The following GFRA1 variants were observed in gnomAD, a reference collection of about 807,000 sequenced individuals.
GFRA1 encodes the protein GDNF family receptor alpha-1.
In GFRA1, 16 loss-of-function variants were observed where a neutral mutation model predicts 51.6. The observed-to-expected ratio is 0.31, with a 90% CI of 0.21 to 0.47. GFRA1 has a LOEUF of 0.47. Among genes scored for constraint, GFRA1 ranks in the 20% least tolerant of loss-of-function variants. GFRA1 has a pLI of 1.00. For synonymous variants in GFRA1, 270 were observed against 241.3 expected, an observed-to-expected ratio of 1.12 and a Z score of -1.10; for missense variants, 530 against 594.3, an observed-to-expected ratio of 0.89 and a Z score of 1.13.
intron 4 of GFRA1, among the ~76,000 whole-genome samples, chr10:116,256,246 A>AACT (rs888892918): frequency 1.3e-5 from 2 of 152,156 alleles, no homozygotes; most frequent in African/African-American, 4.8e-5. Context: ...AAGTGTGCTC[A>AACT]ACTCCAAGGT....
rs1954835312 is a variant in GFRA1 at position 116,061,868 on chromosome 10, C to T, written c.*2530G>A. 3 of 397,448 alleles carry T rather than the reference C, an allele frequency of 7.5e-6. No individual in the cohort carries two copies. The highest frequency in any genetic ancestry group is 1.4e-4 in the South Asian group (1 of 7,108). 24.6% of individuals were successfully genotyped at this position (397,448 alleles called of 1,614,324 possible). A position where few individuals can be genotyped will look rare whatever the true frequency, so the allele number is the denominator to read the frequency against. ...GTCACCGTGTCAAACTAAGATCACA[C>T]TGAATGGCGGAAACCTTGCTTGGCT... On this transcript the variant is annotated 3_prime_UTR_variant, in exon 11 of 11. Transcript: ENST00000355422.
intron 4 of GFRA1, among the ~76,000 whole-genome samples, chr10:116,238,958 T>G (rs941288178): frequency 2.6e-4 from 39 of 152,208 alleles, no homozygotes; most frequent in African/African-American, 9.2e-4. Context: ...TTCCCTCGAC[T>G]GGGTTCACAC....
At chr10:116,255,508 A>AC in intron 4 of GFRA1, 16 of 650,000 alleles carry the variant, frequency 2.5e-5, no homozygotes, top group Non-Finnish European at 3.0e-5. Context: ...AAAAAAAAAC[A>AC]AAAAAAAAAA....
intron 4 of GFRA1, among the ~76,000 whole-genome samples, chr10:116,237,912 CTCCAGGCA>C (rs1967023467): frequency 6.6e-6 from 1 of 152,168 alleles, no homozygotes; most frequent in Non-Finnish European, 1.5e-5. Flanking sequence ...GTGCTTCCAC[CTCCAGGCA>C]TCACAGGGAC....
chr10:116,100,846 G>T (rs182898786), intron 6 of GFRA1, among the ~76,000 whole-genome samples: 2 of 152,170 alleles, frequency 1.3e-5, no homozygotes, highest in African/African-American at 2.4e-5. Context: ...AAAGAAAGGA[G>T]GATGCCCGGA....
intron 5 of GFRA1, among the ~76,000 whole-genome samples, chr10:116,159,313 G>A (rs1054155461): frequency 6.6e-6 from 1 of 152,180 alleles, no homozygotes; most frequent in African/African-American, 2.4e-5. Context: ...GTTCCCAAGT[G>A]TGTCCCTTGG....
chr10:116,079,548 C>A (rs1023620414), intron 9 of GFRA1, among the ~76,000 whole-genome samples: 1 of 152,060 alleles, frequency 6.6e-6, no homozygotes, highest in Non-Finnish European at 1.5e-5. Context: ...CAAGCAGGTG[C>A]GCTTCTGCCC....
chr10:116,201,868 A>G (rs1413333718), intron 5 of GFRA1, among the ~76,000 whole-genome samples: 1 of 152,128 alleles, frequency 6.6e-6, no homozygotes, highest in Non-Finnish European at 1.5e-5. Flanking sequence ...GCAACAAAAC[A>G]GAGAAAGATT....
Position 116,132,422 on chromosome 10 carries a change from A to AT in GFRA1, c.434-6866dup, listed in dbSNP as rs780328475. On this transcript the variant is annotated intron_variant, in intron 5 of 10. Transcript: ENST00000355422. ...TGCTGAGTATATATGCATTAACCATATTTTTTTTCCACTGTTCTGTATGTT... is the reference window on the plus strand; with the variant it reads ...TGCTGAGTATATATGCATTAACCATATTTTTTTTTCCACTGTTCTGTATGTT... Among the ~76,000 whole-genome samples the AT allele has an allele frequency of 6.6e-5, 10 of 151,890 alleles. No individual in the cohort carries two copies. In the South Asian group the frequency reaches 1.5e-3, roughly 22 times the overall value.
At chr10:116,131,503 T>C (rs959907458) in intron 5 of GFRA1, among the ~76,000 whole-genome samples, 1 of 152,198 alleles carries the variant, frequency 6.6e-6, no homozygotes, top group African/African-American at 2.4e-5. Context: ...AGACAGCCCA[T>C]GTATCCATCA....
chr10:116,090,500 A>AT (rs1460651931), intron 8 of GFRA1, among the ~76,000 whole-genome samples: 3 of 150,424 alleles, frequency 2.0e-5, no homozygotes, highest in African/African-American at 2.4e-5. Context: ...AAGTAAGATT[A>AT]TTTTTTTTCT....
At chr10:116,239,330 G>A (rs1392863958) in intron 4 of GFRA1, among the ~76,000 whole-genome samples, 1 of 152,116 alleles carries the variant, frequency 6.6e-6, no homozygotes, top group Non-Finnish European at 1.5e-5. Flanking sequence ...GCGGGGCTTT[G>A]CCGGATATAT....
chr10:116,121,527 AAGAG>A (rs1957644090), intron 6 of GFRA1, among the ~76,000 whole-genome samples: 1 of 152,214 alleles, frequency 6.6e-6, no homozygotes, highest in South Asian at 2.1e-4. Flanking sequence ...CATGAGGCGG[AAGAG>A]AGACAGGTTC....
intron 4 of GFRA1, among the ~76,000 whole-genome samples, chr10:116,217,318 G>C (rs1319721680): frequency 6.6e-6 from 1 of 152,178 alleles, no homozygotes; most frequent in Admixed American, 6.5e-5. Flanking sequence ...CTATAAAATG[G>C]CAACAGTAGG....
intron 4 of GFRA1, among the ~76,000 whole-genome samples, chr10:116,225,596 AT>A (rs201769096): frequency 0.37 from 51,743 of 141,526 alleles, 11,247 homozygotes; most frequent in East Asian, 0.55. Flanking sequence ...TGTGAAACTA[AT>A]TTTTTTTTTT....
rs1272108298 is a variant in GFRA1 at position 116,128,726 on chromosome 10, A to C, written c.434-3169T>G. ...GGGGGACTGAGTGAGACTCTGTCTC[A>C]AAAAAAAAAAAAAAAAAAAAAAAAA... On this transcript the variant is annotated intron_variant, in intron 5 of 10. Transcript: ENST00000355422. Among the ~76,000 whole-genome samples, 71 of 37,278 alleles carry C rather than the reference A, an allele frequency of 1.9e-3. 1 individual carries two copies. Among genetic ancestry groups the C allele is most frequent in the Admixed American group, 6.0e-3 (32 of 5,374 alleles). 24.5% of individuals were successfully genotyped at this position (37,278 alleles called of 152,430 possible).
chr10:116,203,249 T>C (rs2577381), intron 5 of GFRA1, among the ~76,000 whole-genome samples: 48,640 of 152,014 alleles, frequency 0.32, 9,331 homozygotes, highest in African/African-American at 0.54. Context: ...ACAAAAAATT[T>C]GTATGAATCA....
intron 7 of GFRA1, among the ~76,000 whole-genome samples, chr10:116,094,564 CA>C (rs1956495960): frequency 6.6e-6 from 1 of 152,118 alleles, no homozygotes; most frequent in Non-Finnish European, 1.5e-5. Context: ...TAATCCAAAC[CA>C]AATGTCTTCT....
intron 6 of GFRA1, among the ~76,000 whole-genome samples, chr10:116,120,765 T>C (rs1357203034): frequency 6.6e-6 from 1 of 152,184 alleles, no homozygotes; most frequent in Non-Finnish European, 1.5e-5. Context: ...AATGGCTGCA[T>C]AGGTGAGTAT....
Sources: allele counts gnomAD v4.1 joint callset (sites outside exome capture counted in the v4.1 genomes callset), GRCh38; gene constraint gnomAD v4.1.1; transcripts MANE v1.5; gene names NCBI Gene and HGNC (gene_info 2026-07-23, HGNC 2026-07-21).